The following NALCN variants were observed in gnomAD, a reference collection of about 807,000 sequenced individuals.
The protein encoded by NALCN is sodium leak channel, non-selective, also known as sodium leak channel NALCN.
In NALCN, 111 loss-of-function variants were observed where a neutral mutation model predicts 225.3. The observed-to-expected ratio is 0.49, with a 90% CI of 0.42 to 0.58. The LOEUF (loss-of-function observed/expected upper bound fraction) is 0.58, where lower values mean the gene tolerates loss of function less well. NALCN is among the 20% of genes least tolerant of loss of function. NALCN has a pLI of 0.00. For missense variants in NALCN, 1,378 were observed against 2,202.4 expected (o/e 0.63, Z 7.49); for synonymous variants, 764 against 769.0 (o/e 0.99, Z 0.11).
At chr13:101,168,189 T>C (rs1338555716) in intron 15 of NALCN, among the ~76,000 whole-genome samples, 1 of 152,218 alleles carries the variant, frequency 6.6e-6, no homozygotes, top group Non-Finnish European at 1.5e-5. Context: ...CACTGGTTCA[T>C]ACCATTTATT....
intron 6 of NALCN, among the ~76,000 whole-genome samples, chr13:101,372,344 T>C (rs1470946921): frequency 2.0e-5 from 3 of 152,168 alleles, no homozygotes; most frequent in Non-Finnish European, 2.9e-5. Flanking sequence ...ATCAGCCAAC[T>C]TGACTTTGGT....
chr13:101,195,566 C>A (rs936936805), intron 13 of NALCN, among the ~76,000 whole-genome samples: 1 of 152,178 alleles, frequency 6.6e-6, no homozygotes, highest in Non-Finnish European at 1.5e-5. Context: ...CAGTTTAAAT[C>A]TGAAATTTAT....
chr13:101,062,998 T>G (rs148752083), intron 40 of NALCN, among the ~76,000 whole-genome samples: 1 of 152,200 alleles, frequency 6.6e-6, no homozygotes, highest in African/African-American at 2.4e-5. Flanking sequence ...CAGTTGTAGG[T>G]AAAGCCAACA....
intron 17 of NALCN, among the ~76,000 whole-genome samples, chr13:101,133,293 C>A (rs1044186701): frequency 6.6e-6 from 1 of 152,124 alleles, no homozygotes; most frequent in Non-Finnish European, 1.5e-5. Context: ...ACAATGTTAA[C>A]AATACATTTC....
intron 15 of NALCN, among the ~76,000 whole-genome samples, chr13:101,171,386 CAT>C (rs1002689939): frequency 1.1e-4 from 16 of 149,736 alleles, no homozygotes; most frequent in African/African-American, 2.0e-4. Context: ...ATGACATATA[CAT>C]ATATGTTACA....
intron 34 of NALCN, among the ~76,000 whole-genome samples, chr13:101,078,430 G>T (rs1467129844): frequency 6.6e-6 from 1 of 152,212 alleles, no homozygotes; most frequent in Admixed American, 6.5e-5. Flanking sequence ...AAGGCCATGG[G>T]AGCCCACCTC....
At chr13:101,279,272 A>G (rs2043067404) in intron 10 of NALCN, among the ~76,000 whole-genome samples, 1 of 152,224 alleles carries the variant, frequency 6.6e-6, no homozygotes, top group Admixed American at 6.5e-5. Flanking sequence ...GTGAGAAGGA[A>G]GTGGTGTAGG....
At chr13:101,283,230 C>T (rs528511681) in intron 10 of NALCN, among the ~76,000 whole-genome samples, 1 of 152,166 alleles carries the variant, frequency 6.6e-6, no homozygotes, top group East Asian at 1.9e-4. Context: ...GAATGAGTTA[C>T]TGATATTTAG....
chr13:101,296,084 T>C (rs1278486887), intron 7 of NALCN, among the ~76,000 whole-genome samples: 1 of 152,166 alleles, frequency 6.6e-6, no homozygotes, highest in Non-Finnish European at 1.5e-5. Flanking sequence ...AGCTCCTCTG[T>C]GCCCTCAGCT....
At chr13:101,293,861 G>A (rs2043638244) in intron 7 of NALCN, among the ~76,000 whole-genome samples, 1 of 152,184 alleles carries the variant, frequency 6.6e-6, no homozygotes, top group Non-Finnish European at 1.5e-5. Flanking sequence ...CTTCATAAAT[G>A]TCCTGCCTTT....
intron 14 of NALCN, among the ~76,000 whole-genome samples, chr13:101,186,725 T>A (rs546565109): frequency 1.1e-4 from 17 of 152,308 alleles, no homozygotes; most frequent in Non-Finnish European, 1.0e-4. Context: ...CAAATAAATA[T>A]TCTAAACCTT....
chr13:101,310,704 T>A lies in NALCN; in HGVS notation c.800-18338A>T, dbSNP rs75560579. Among the ~76,000 whole-genome samples, 871 of 152,292 alleles carry A rather than the reference T, an allele frequency of 5.7e-3. 6 individuals carry two copies. Among genetic ancestry groups the A allele is most frequent in the African/African-American group, 0.02 (830 of 41,572 alleles). ...CAAGGATTTTTTCTCTGTTTTTCAC[T>A]GTTGTGATCAAATGCCTAGCACATA... On this transcript the variant is annotated intron_variant, in intron 7 of 43. Coordinates refer to ENST00000251127, the MANE Select transcript of NALCN (RefSeq NM_052867.4).
At chr13:101,129,130 T>C (rs988892820) in intron 17 of NALCN, among the ~76,000 whole-genome samples, 4 of 152,192 alleles carry the variant, frequency 2.6e-5, no homozygotes, top group African/African-American at 9.7e-5. Context: ...GTCATTTCTT[T>C]TTCATTTATT....
At chr13:101,126,586 G>A (rs1417539284) in intron 17 of NALCN, among the ~76,000 whole-genome samples, 3 of 151,738 alleles carry the variant, frequency 2.0e-5, no homozygotes, top group African/African-American at 7.3e-5. Flanking sequence ...TCCACCTCCT[G>A]GGTTCAAGCG....
At chr13:101,323,831 A>T (rs972440880) in intron 7 of NALCN, among the ~76,000 whole-genome samples, 3 of 152,200 alleles carry the variant, frequency 2.0e-5, no homozygotes, top group Non-Finnish European at 2.9e-5. Context: ...CTGGAAGGCA[A>T]ATATTGTGCA....
chr13:101,357,482 G>A (rs975709869), intron 6 of NALCN, among the ~76,000 whole-genome samples: 4 of 152,222 alleles, frequency 2.6e-5, no homozygotes, highest in African/African-American at 4.8e-5. Flanking sequence ...TACAAAGGAC[G>A]TGAAGGACCT....
At chr13:101,178,589 G>C (rs562991292) in intron 14 of NALCN, among the ~76,000 whole-genome samples, 1 of 152,128 alleles carries the variant, frequency 6.6e-6, no homozygotes, top group Non-Finnish European at 1.5e-5. Context: ...CCCCTTCTCC[G>C]TAGAGGGTGG....
At chr13:101,309,694 A>G (rs2044272842) in intron 7 of NALCN, among the ~76,000 whole-genome samples, 1 of 152,204 alleles carries the variant, frequency 6.6e-6, no homozygotes, top group South Asian at 2.1e-4. Context: ...TTTTCATCTC[A>G]GCCATTGTTG....
At position 101,089,705 on chromosome 13, in the gene NALCN, G is replaced by T; in HGVS notation, c.3447C>A (p.Thr1149=). The T allele has an allele frequency of 6.2e-7, 1 of 1,613,954 alleles. No homozygotes were observed. Residue 1149 remains threonine (T), a synonymous_variant, in exon 30 of 44, where the codon ACC becomes ACA. Coordinates refer to ENST00000251127, the MANE Select transcript of NALCN (RefSeq NM_052867.4). This position sits in a 1 kb window ranked among gnomAD's most constrained non-coding sequence, Gnocchi z 4.7. Reference sequence around the variant, plus strand: ...TAGCAATAACTACTCCAACAAAAAGGGTCAGTCCAATCATGCAACCCAGGA... The same window carrying T: ...TAGCAATAACTACTCCAACAAAAAGTGTCAGTCCAATCATGCAACCCAGGA... The part of the protein sequence containing the change: ...FVFLGCMIGL[T]LFVGVVIANF...
Sources: allele counts gnomAD v4.1 joint callset (sites outside exome capture counted in the v4.1 genomes callset), GRCh38; gene constraint gnomAD v4.1.1; non-coding constraint Gnocchi (gnomAD v3.1); transcripts MANE v1.5; gene names NCBI Gene and HGNC (gene_info 2026-07-23, HGNC 2026-07-21).